OPLAH: variants seen among roughly 807,000 people sequenced by gnomAD.
OPLAH encodes the protein 5-oxoprolinase.
In OPLAH, 103 loss-of-function variants were observed where a neutral mutation model predicts 122.8. The observed-to-expected ratio is 0.84, with a 90% CI of 0.71 to 0.99. The LOEUF (loss-of-function observed/expected upper bound fraction) is 0.99. Among genes scored for constraint, OPLAH ranks in the 50% least tolerant of loss-of-function variants. OPLAH has a pLI of 0.00. For synonymous variants in OPLAH, 875 were observed against 796.0 expected, an observed-to-expected ratio of 1.10 and a Z score of -1.67; for missense variants, 1,902 against 1,836.5, an observed-to-expected ratio of 1.04 and a Z score of -0.65.
intron 3 of OPLAH, 28 bp downstream of exon 3, chr8:144,059,571 C>T (rs782655381): frequency 6.9e-6 from 11 of 1,583,192 alleles, no homozygotes; most frequent in Middle Eastern, 1.7e-4. Context: ...CACCACACAG[C>T]CTGGTCCCCA....
intron 1 of OPLAH, 53 bp downstream of exon 1, chr8:144,060,600 G>C (rs1554760712): frequency 6.7e-6 from 1 of 150,164 alleles, no homozygotes; most frequent in African/African-American, 2.5e-5. Context: ...GGGGAAGCCC[G>C]GGAGGCAGCG....
intron 3 of OPLAH, 125 bp downstream of exon 3, chr8:144,059,474 C>T: frequency 9.5e-7 from 1 of 1,047,174 alleles, no homozygotes; most frequent in Non-Finnish European, 1.4e-6. Flanking sequence ...AATTCGGGAG[C>T]TTCCTCTTTG....
rs1450665581 is a variant in OPLAH at position 144,059,845 on chromosome 8, G to A, written c.171+17C>T. 4 of 1,612,060 alleles carry A rather than the reference G, an allele frequency of 2.5e-6. No homozygotes were observed. Among genetic ancestry groups the A allele is most frequent in the Admixed American group, 1.7e-5 (1 of 59,982 alleles). Reference sequence around the variant, plus strand: ...CTGGCCGTGGGGTCCCTGTCCACCCGCTCCGCCCTGGCCCACCTGCTCCAG... The same window carrying A: ...CTGGCCGTGGGGTCCCTGTCCACCCACTCCGCCCTGGCCCACCTGCTCCAG... On this transcript the variant is annotated intron_variant, in intron 2 of 26. Transcript: ENST00000618853.
chr8:144,054,834 G>A lies in OPLAH; in HGVS notation c.2489C>T (p.Pro830Leu). Residue 830 changes from proline (P) to leucine (L), a missense_variant, in exon 18 of 27, where the codon CCA becomes CTA. Around this residue, in one of 3 missense-constraint regions of OPLAH, gnomAD observed 1,726 missense variants for 1,642.1 expected, o/e 1.05. Coordinates refer to ENST00000618853, the MANE Select transcript of OPLAH (RefSeq NM_017570.5). The stretch of plus-strand genomic sequence containing the variant: ...CACCGGTGTGATAACAGTCAGGTCT[G>A]GCAGGTGGCTGCCCCCGGCACTGGG... ...NHPSAGGSHLPDLTVITPVFW... is the reference protein window; with the variant it reads ...NHPSAGGSHLLDLTVITPVFW... The A allele has an allele frequency of 1.2e-6, 2 of 1,612,270 alleles. No homozygotes were observed. Among genetic ancestry groups the A allele is most frequent in the Non-Finnish European group, 1.7e-6 (2 of 1,179,780 alleles).
At position 144,053,104 on chromosome 8, in the gene OPLAH, T is replaced by C; in HGVS notation, c.2897A>G (p.Asp966Gly). ...GGAGGTTCCAAAGGCACGCAACATG[T>C]CTCGCACGGCCAGCTCAGCGTTTGC... ...IQANAELAVR[D>G]MLRAFGTSRQ... Residue 966 changes from aspartate (D) to glycine (G), a missense_variant, in exon 21 of 27, where the codon GAC (aspartate) becomes GGC (glycine). Asp to Gly is a moderately conservative substitution (Grantham distance 94). Around this residue, in one of 3 missense-constraint regions of OPLAH, gnomAD observed 1,726 missense variants for 1,642.1 expected, o/e 1.05. Transcript: ENST00000618853. 6.2e-7 allele frequency: 1 copy of C among 1,606,550 alleles called. No individual in the cohort carries two copies. Among genetic ancestry groups the C allele is most frequent in the Non-Finnish European group, 8.5e-7 (1 of 1,177,134 alleles).
chr8:144,051,492 C>CGGGGGGGGGGG lies in OPLAH; in HGVS notation c.3721-21_3721-20insCCCCCCCCCCC. 4 of 413,252 alleles carry CGGGGGGGGGGG rather than the reference C, an allele frequency of 9.7e-6. No individual in the cohort carries two copies. The highest frequency in any genetic ancestry group is 8.8e-5 in the South Asian group (2 of 22,804). The allele number at this position is 413,252 out of a possible 1,614,324, so 25.6% of individuals were successfully genotyped here. On this transcript the variant is annotated intron_variant, in intron 26 of 26. Transcript: ENST00000618853. ...CACATCCTGTTGGCGCGGGGGGGGGCGGGGAGGCGGGCTCAGTGCAGGCGT... is the reference window on the plus strand; with the variant it reads ...CACATCCTGTTGGCGCGGGGGGGGGCGGGGGGGGGGGGGGGAGGCGGGCTCAGTGCAGGCGT...
chr8:144,061,544 C>A (rs1331649222), upstream of OPLAH, among the ~76,000 whole-genome samples: 1 of 151,764 alleles, frequency 6.6e-6, no homozygotes, highest in East Asian at 2.0e-4. Context: ...AACCCTGTAT[C>A]TGATAAAACA....
At chr8:144,052,631 G>T in intron 22 of OPLAH, 33 bp from the exon 23 acceptor site, 1 of 1,568,314 alleles carries the variant, frequency 6.4e-7, no homozygotes, top group East Asian at 2.3e-5. Flanking sequence ...AGGAGCTCTT[G>T]GGGTGGGCTC....
At position 144,053,138 on chromosome 8, in the gene OPLAH, G is replaced by A. The variant is rs782483625; in HGVS notation, c.2872-9C>T. On this transcript the variant is annotated splice_polypyrimidine_tract_variant and intron_variant, in intron 20 of 26. Transcript: ENST00000618853. The stretch of plus-strand genomic sequence containing the variant: ...GCCAGCTCAGCGTTTGCCTGGCAGG[G>A]AGCAGGATCAGTGGTGGCCAGGTCA... 7 of 1,607,432 alleles carry A rather than the reference G, an allele frequency of 4.4e-6. No homozygotes were observed. The East Asian group carries it at 1.6e-4, about 36-fold the overall frequency.
At chr8:144,059,248 AC>A (rs1338096112) in intron 3 of OPLAH, among the ~76,000 whole-genome samples, 169 bp from the exon 4 acceptor site, 1 of 152,040 alleles carries the variant, frequency 6.6e-6, no homozygotes, top group African/African-American at 2.4e-5. Flanking sequence ...GCAGCTCTCC[AC>A]CCCCTAGGCA....
rs375526531 is a variant in OPLAH at position 144,057,605 on chromosome 8, G to A, written c.1265C>T (p.Ala422Val). 2.5e-5 allele frequency: 40 copies of A among 1,587,382 alleles called. No individual in the cohort carries two copies. In the East Asian group the frequency reaches 6.3e-4, roughly 25 times the overall value. Residue 422 changes from alanine to valine, a missense_variant, in exon 10 of 27, where the codon GCC (alanine) becomes GTC (valine). By Grantham distance (64) the Ala-to-Val change is moderately conservative (BLOSUM62 0). This residue lies in a region of OPLAH where 1,726 missense variants were observed against 1,642.1 expected (regional missense o/e 1.05). Transcript: ENST00000618853. ...CACAGCCTCCAGGGCTTTGCGGGAG[G>A]CCTCAGGGGAAAGTGGTTGGTTCTC... ...PGENQPLSPE[A>V]SRKALEAVAT...
rs1835535153 is a variant in OPLAH, at chr8:144,057,033, G to T, written c.1621C>A (p.Pro541Thr). Residue 541 changes from proline (P) to threonine (T), a missense_variant, in exon 12 of 27, where the codon CCT (proline) becomes ACT (threonine). Transcript: ENST00000618853. ...AQEPCSLLYA[P>T]ETFVQLDQRL... ...TGGTCCAGCTGCACGAAGGTCTCAG[G>T]CGCGTAGAGCAGGGAGCAGGGTTCC... The T allele has an allele frequency of 1.9e-6, 3 of 1,599,754 alleles. No individual in the cohort carries two copies. The highest frequency in any genetic ancestry group is 2.6e-6 in the Non-Finnish European group (3 of 1,174,426).
Position 144,056,069 on chromosome 8 carries a change from T to C in OPLAH, c.2096+78A>G, listed in dbSNP as rs1031122205. ...CAGAGTCCTGCAGGCCCCTGCAGCC[T>C]TGGGCCAGAGAACCCTGCACCAGGG... On this transcript the variant is annotated intron_variant, in intron 15 of 26. Transcript: ENST00000618853. The C allele has an allele frequency of 2.0e-6, 3 of 1,532,956 alleles. No homozygotes were observed. In the Admixed American group the frequency reaches 5.5e-5, roughly 28 times the overall value. 95.0% of individuals were successfully genotyped at this position (1,532,956 alleles called of 1,614,324 possible). A position where few individuals can be genotyped will look rare whatever the true frequency, so the allele number is the denominator to read the frequency against.
chr8:144,054,889 G>A lies in OPLAH; in HGVS notation c.2434C>T (p.His812Tyr), dbSNP rs370080765. ...TTGCTCAGTAGCACGTCGCCAGGGT[G>A]GAGATCGGCCCCCAGGTGCTGAATC... ...FQIQHLGADL[H>Y]PGDVLLSNHP... The change falls in exon 18 of 27, where the codon CAC (histidine) becomes TAC (tyrosine). Residue 812 changes from histidine to tyrosine, a missense_variant. Physicochemically the swap from His to Tyr is moderately conservative, Grantham distance 83. Coordinates refer to ENST00000618853, the MANE Select transcript of OPLAH (RefSeq NM_017570.5). 164 of 1,609,588 alleles carry A rather than the reference G, an allele frequency of 1.0e-4. No individual in the cohort carries two copies. Among genetic ancestry groups the A allele is most frequent in the Non-Finnish European group, 1.3e-4 (159 of 1,178,280 alleles).
At position 144,056,143 on chromosome 8, in the gene OPLAH, C is replaced by T. The variant is rs1835507655; in HGVS notation, c.2096+4G>A. ...TCCTCCACCCTGGCCGGACTTCAGC[C>T]CACCTGTTACTGTCGATGATGAGGC... is the stretch of plus-strand genomic sequence containing the variant. On this transcript the variant is annotated splice_donor_region_variant and intron_variant, in intron 15 of 26. Coordinates refer to ENST00000618853, the MANE Select transcript of OPLAH (RefSeq NM_017570.5). 6.2e-7 allele frequency: 1 copy of T among 1,600,986 alleles called. No individual in the cohort carries two copies. Among genetic ancestry groups the T allele is most frequent in the Admixed American group, 1.7e-5 (1 of 59,754 alleles).
At chr8:144,050,781 C>G, downstream of OPLAH, 2 of 986,698 alleles carry the variant, frequency 2.0e-6, no homozygotes, top group Non-Finnish European at 2.4e-6. Context: ...GCCGCCCTCC[C>G]CCGGATCCCC....
rs782094303 is a variant in OPLAH, at chr8:144,052,020, C to A, written c.3518G>T (p.Arg1173Leu). 5.0e-6 allele frequency: 8 copies of A among 1,589,560 alleles called. No homozygotes were observed. Among genetic ancestry groups the A allele is most frequent in the East Asian group, 2.3e-5 (1 of 43,978 alleles). The change falls in exon 25 of 27, where the codon CGC becomes CTC. Residue 1173 changes from arginine (R) to leucine (L), a missense_variant. Arg to Leu is a moderately radical substitution (Grantham distance 102, BLOSUM62 -2). Transcript: ENST00000618853. ...GGTGACGCCGTCGCCGCCTCGGAAG[C>A]GGCCTCTGCCCCCCGAGCCCCGCCG... Reference protein sequence around the residue: ...ELRRGSGGRGRFRGGDGVTRE... With the variant: ...ELRRGSGGRGLFRGGDGVTRE...
chr8:144,062,018 C>CAAAA (rs1360761983), upstream of OPLAH, among the ~76,000 whole-genome samples: 2 of 60,316 alleles, frequency 3.3e-5, no homozygotes, highest in Admixed American at 3.8e-4. Context: ...GACTCCGTCT[C>CAAAA]AAAAAAAAAA....
intron 22 of OPLAH, 39 bp from the exon 23 acceptor site, chr8:144,052,637 G>C: frequency 2.6e-6 from 4 of 1,560,168 alleles, no homozygotes; most frequent in Non-Finnish European, 3.5e-6. Context: ...TCTTGGGGTG[G>C]GCTCCGGGAG....
Sources: gnomAD v4.1 joint callset for allele counts (sites outside exome capture counted in the v4.1 genomes callset) on GRCh38, gnomAD v4.1.1 for gene constraint, gnomAD v4.1.1 regional missense constraint, MANE v1.5 for transcripts, NCBI Gene and HGNC (gene_info 2026-07-23, HGNC 2026-07-21) for gene names.